Variants in TRMT9B observed in about 807,000 individuals in gnomAD.
TRMT9B encodes the protein probable tRNA methyltransferase 9B.
In TRMT9B, 16 loss-of-function variants were observed where a neutral mutation model predicts 11.5. That is an observed-to-expected ratio of 1.39 (90% confidence interval 0.94 to 2.11). The LOEUF is 2.11. Among genes scored for constraint, TRMT9B ranks in the 30% most tolerant of loss-of-function variants. The probability of loss-of-function intolerance (pLI) is 0.00; values close to 1 mark genes in which losing one functional copy is unlikely to be tolerated. For synonymous variants in TRMT9B, 274 were observed against 192.4 expected, an observed-to-expected ratio of 1.42 and a Z score of -3.51; for missense variants, 941 against 553.8, an observed-to-expected ratio of 1.70 and a Z score of -7.02.
chr8:12,973,693 G>A (rs571234159), intron 1 of TRMT9B, among the ~76,000 whole-genome samples: 2 of 152,224 alleles, frequency 1.3e-5, no homozygotes, highest in African/African-American at 4.8e-5. Context: ...CCAGCAGGAC[G>A]GTGGATTATC....
chr8:12,985,921 C>T (rs773288554), intron 1 of TRMT9B, among the ~76,000 whole-genome samples: 72 of 151,964 alleles, frequency 4.7e-4, no homozygotes, highest in Non-Finnish European at 6.9e-4. Context: ...AGTGCTGTGG[C>T]GTGATCTTGG....
At position 12,974,491 on chromosome 8, in the gene TRMT9B, T is replaced by C. The variant is rs185862161; in HGVS notation, c.-199-16343T>C. ...AAAAATCTGTGGGCCTGCCTGAATT[T>C]CATTCAAGGGCAATGGAAGAATGAG... On this transcript the variant is annotated intron_variant, in intron 1 of 4. Transcript: ENST00000524591. 2.0e-5 allele frequency among the ~76,000 whole-genome samples: 3 copies of C among 152,272 alleles called. No homozygotes were observed. The East Asian group carries it at 5.8e-4, about 29-fold the overall frequency.
intron 1 of TRMT9B, among the ~76,000 whole-genome samples, chr8:12,988,974 G>T (rs1806829539): frequency 6.6e-6 from 1 of 152,132 alleles, no homozygotes; most frequent in Admixed American, 6.5e-5. Context: ...GGTCCTGAAT[G>T]GGGTGAGAGC....
intron 4 of TRMT9B, among the ~76,000 whole-genome samples, chr8:13,016,318 GAGAT>G (rs1812693931): frequency 1.4e-5 from 2 of 144,276 alleles, no homozygotes; most frequent in South Asian, 2.1e-4. Context: ...AGGCATAAGA[GAGAT>G]AGTCTATTGA....
At position 12,956,048 on chromosome 8, in the gene TRMT9B, G is replaced by C. The variant is rs75383453; in HGVS notation, c.-200+10082G>C. ...TGCTACCAACAACAAAAACAAGAAA[G>C]CAAATGTTTTCCTTAGATGCTCTCC... On this transcript the variant is annotated intron_variant, in intron 1 of 4. Coordinates refer to ENST00000524591, the MANE Select transcript of TRMT9B (RefSeq NM_020844.3). Among the ~76,000 whole-genome samples the C allele has an allele frequency of 2.1e-3, 326 of 152,262 alleles. 14 individuals are homozygous for C. The East Asian group carries it at 0.033, about 16-fold the overall frequency.
chr8:13,017,255 A>G lies in TRMT9B; in HGVS notation c.329-3753A>G, dbSNP rs551833993. ...GAGGCATGTACACTTGAAAAGTTAA[A>G]TGTCAACAAATGATGAAATATCAAG... On this transcript the variant is annotated intron_variant, in intron 4 of 4. Coordinates refer to ENST00000524591, the MANE Select transcript of TRMT9B (RefSeq NM_020844.3). 7.2e-5 allele frequency among the ~76,000 whole-genome samples: 11 copies of G among 152,340 alleles called. No homozygotes were observed. The South Asian group carries it at 2.1e-3, about 29-fold the overall frequency.
chr8:12,973,577 G>A (rs892253839), intron 1 of TRMT9B, among the ~76,000 whole-genome samples: 4 of 152,202 alleles, frequency 2.6e-5, no homozygotes, highest in African/African-American at 4.8e-5. Flanking sequence ...TGTGGGCCAC[G>A]AAAGACAGGT....
intron 1 of TRMT9B, chr8:12,958,643 CA>C (rs1311378031): frequency 6.5e-6 from 1 of 153,934 alleles, no homozygotes; most frequent in African/African-American, 2.4e-5. Context: ...ACAAGGCTAG[CA>C]TCTAGAATGT....
chr8:12,992,747 T>C (rs1807591471), intron 2 of TRMT9B, among the ~76,000 whole-genome samples: 1 of 151,726 alleles, frequency 6.6e-6, no homozygotes, highest in Non-Finnish European at 1.5e-5. Flanking sequence ...TGTGGTCTTG[T>C]GGTCCCAGCT....
chr8:13,002,226 A>G (rs562861227), intron 2 of TRMT9B, among the ~76,000 whole-genome samples: 47 of 152,318 alleles, frequency 3.1e-4, no homozygotes, highest in African/African-American at 1.1e-3. Flanking sequence ...TCATTTTTAA[A>G]TTGCAATTTG....
intron 1 of TRMT9B, among the ~76,000 whole-genome samples, chr8:12,988,716 C>A (rs1216352992): frequency 1.3e-5 from 2 of 152,160 alleles, no homozygotes; most frequent in Non-Finnish European, 2.9e-5. Flanking sequence ...CACCAGTTCC[C>A]TCCCACAATA....
chr8:12,973,847 T>C (rs1047727412), intron 1 of TRMT9B, among the ~76,000 whole-genome samples: 7 of 152,096 alleles, frequency 4.6e-5, no homozygotes, highest in Non-Finnish European at 7.4e-5. Context: ...TGAACTCAGT[T>C]CACGCCAGTG....
At chr8:13,013,208 A>G (rs1811983092) in intron 4 of TRMT9B, among the ~76,000 whole-genome samples, 1 of 152,222 alleles carries the variant, frequency 6.6e-6, no homozygotes, top group Non-Finnish European at 1.5e-5. Context: ...GTAGATTTTT[A>G]GAAGTTATAT....
chr8:12,990,243 C>G (rs372604503), intron 1 of TRMT9B, among the ~76,000 whole-genome samples: 8 of 152,158 alleles, frequency 5.3e-5, no homozygotes, highest in African/African-American at 1.9e-4. Context: ...ATAGGATGGG[C>G]TTTTCCTATC....
intron 2 of TRMT9B, among the ~76,000 whole-genome samples, chr8:12,992,759 C>A (rs777917590): frequency 3.9e-5 from 6 of 151,960 alleles, no homozygotes; most frequent in African/African-American, 1.4e-4. Flanking sequence ...GTCCCAGCTA[C>A]TCAGGAGGCT....
intron 1 of TRMT9B, among the ~76,000 whole-genome samples, chr8:12,979,895 G>T (rs1457113452): frequency 6.6e-6 from 1 of 152,154 alleles, no homozygotes; most frequent in Admixed American, 6.5e-5. Flanking sequence ...ACCTCGGCTG[G>T]AAAATGGGTT....
At chr8:12,996,657 G>T (rs1808398305) in intron 2 of TRMT9B, among the ~76,000 whole-genome samples, 1 of 152,166 alleles carries the variant, frequency 6.6e-6, no homozygotes. Flanking sequence ...TTCTAACATG[G>T]TTTAAAGTAC....
chr8:13,009,127 A>G (rs111838031), intron 3 of TRMT9B, among the ~76,000 whole-genome samples: 1 of 152,208 alleles, frequency 6.6e-6, no homozygotes, highest in Non-Finnish European at 1.5e-5. Flanking sequence ...GGAAGATATT[A>G]TGCTAGGTGA....
rs1814583242 is a variant in TRMT9B, at chr8:13,025,453, G to T, written c.*3409G>T. The T allele has an allele frequency of 6.3e-6, 1 of 159,880 alleles. No individual in the cohort carries two copies. The highest frequency in any genetic ancestry group is 2.4e-5 in the African/African-American group (1 of 41,462). The allele number at this position is 159,880 out of a possible 1,614,324, so 9.9% of individuals were successfully genotyped here. On this transcript the variant is annotated 3_prime_UTR_variant, in exon 5 of 5. Transcript: ENST00000524591. The stretch of plus-strand genomic sequence containing the variant: ...AATCGCTTGAACCTGGGAGGCGGAG[G>T]TTGCAGTGAGCCGAGATTGTGCCAT...
Sources: gnomAD v4.1 joint callset for allele counts (sites outside exome capture counted in the v4.1 genomes callset) on GRCh38, gnomAD v4.1.1 for gene constraint, MANE v1.5 for transcripts, NCBI Gene and HGNC (gene_info 2026-07-23, HGNC 2026-07-21) for gene names.